Variants in MBOAT2 observed in about 807,000 individuals in gnomAD.
MBOAT2 encodes the protein membrane-bound glycerophospholipid O-acyltransferase 2.
Under a neutral mutation model 63.4 loss-of-function variants are expected in MBOAT2, and 28 were observed. The ratio of observed to expected loss-of-function variants is 0.44; its 90% CI spans 0.33 to 0.61. The LOEUF (loss-of-function observed/expected upper bound fraction) is 0.61, where lower values mean the gene tolerates loss of function less well. Ranked by LOEUF, MBOAT2 falls within the 20% of genes least tolerant of loss-of-function variation. MBOAT2 has a pLI of 0.03. For missense variants in MBOAT2, 470 were observed against 605.8 expected (o/e 0.78, Z 2.35); for synonymous variants, 211 against 215.6 (o/e 0.98, Z 0.19).
At chr2:8,987,570 T>C (rs1268552047) in intron 1 of MBOAT2, among the ~76,000 whole-genome samples, 1 of 152,194 alleles carries the variant, frequency 6.6e-6, no homozygotes, top group Non-Finnish European at 1.5e-5. Context: ...AATCTGGAAT[T>C]TGGGCAAGGT....
At position 8,877,035 on chromosome 2, in the gene MBOAT2, G is replaced by C; in HGVS notation, c.685C>G (p.Pro229Ala). 6.2e-7 allele frequency: 1 copy of C among 1,607,220 alleles called. No individual in the cohort carries two copies. The highest frequency in any genetic ancestry group is 8.5e-7 in the Non-Finnish European group (1 of 1,177,530). Reference sequence around the variant, plus strand: ...GATAAATCTCATGACCTTACATTTGGAGATGGCTCTGTTCTTTCATACTGT... The same window carrying C: ...GATAAATCTCATGACCTTACATTTGCAGATGGCTCTGTTCTTTCATACTGT... ...ETQYERTEPS[P>A]NTAVVQKLLV... The change falls in exon 7 of 13, where the codon CCA becomes GCA. Residue 229 changes from proline to alanine, a missense_variant. Pro to Ala is a conservative substitution (Grantham distance 27, BLOSUM62 -1). This residue lies in a region of MBOAT2 where 376 missense variants were observed against 503.8 expected (regional missense o/e 0.75). Transcript: ENST00000305997.
chr2:8,969,037 C>T (rs549406596), intron 1 of MBOAT2, among the ~76,000 whole-genome samples: 1 of 151,342 alleles, frequency 6.6e-6, no homozygotes, highest in Non-Finnish European at 1.5e-5. Context: ...AATGCCACTC[C>T]TCGAGAAGTG....
chr2:8,986,582 T>C (rs564418675), intron 1 of MBOAT2, among the ~76,000 whole-genome samples: 1 of 151,372 alleles, frequency 6.6e-6, no homozygotes, highest in East Asian at 1.9e-4. Context: ...AAAAAAGTAA[T>C]ACGGTAGCCT....
At chr2:8,916,526 A>T (rs1666192937) in intron 3 of MBOAT2, among the ~76,000 whole-genome samples, 1 of 152,234 alleles carries the variant, frequency 6.6e-6, no homozygotes, top group South Asian at 2.1e-4. Context: ...CCCATGTAGC[A>T]GCAACTATGG....
chr2:8,943,395 G>T, intron 2 of MBOAT2, 131 bp from the exon 3 acceptor site: 1 of 499,566 alleles, frequency 2.0e-6, no homozygotes, highest in Non-Finnish European at 3.5e-6. Flanking sequence ...TGAAACTTCA[G>T]GAGCTTAAAA....
intron 1 of MBOAT2, among the ~76,000 whole-genome samples, chr2:8,964,795 C>T (rs1299658237): frequency 1.3e-5 from 2 of 152,186 alleles, no homozygotes; most frequent in East Asian, 3.8e-4. Context: ...AAATATAAAA[C>T]ATTATTTCTC....
chr2:8,965,309 T>C (rs1310744719), intron 1 of MBOAT2, among the ~76,000 whole-genome samples: 2 of 152,196 alleles, frequency 1.3e-5, no homozygotes, highest in East Asian at 3.8e-4. Context: ...ACATTTTCCA[T>C]TCCTGTGTAA....
chr2:8,896,238 CAAAAAAAAAAA>C (rs967667476), intron 4 of MBOAT2, among the ~76,000 whole-genome samples: 7 of 51,226 alleles, frequency 1.4e-4, no homozygotes, highest in African/African-American at 4.8e-4. Flanking sequence ...GACTCCGTCT[CAAAAAAAAAAA>C]AAAAAAAAAA....
At chr2:8,944,380 G>T (rs371262946) in intron 2 of MBOAT2, among the ~76,000 whole-genome samples, 52 of 152,098 alleles carry the variant, frequency 3.4e-4, no homozygotes, top group African/African-American at 1.3e-3. Context: ...TAAAATTTTC[G>T]AATCATCAGG....
intron 3 of MBOAT2, among the ~76,000 whole-genome samples, chr2:8,926,379 G>A (rs904920296): frequency 4.6e-5 from 7 of 152,164 alleles, no homozygotes; most frequent in African/African-American, 1.4e-4. Context: ...AGTAAAGTAC[G>A]ACTCTAGGTA....
At chr2:8,887,970 T>C (rs148037184) in intron 5 of MBOAT2, 48 bp downstream of exon 5, 5 of 1,532,080 alleles carry the variant, frequency 3.3e-6, no homozygotes, top group African/African-American at 1.4e-5. Flanking sequence ...CAAAAGATTA[T>C]TGGAATTAAA....
intron 2 of MBOAT2, among the ~76,000 whole-genome samples, chr2:8,947,252 T>G (rs73157443): frequency 6.6e-6 from 1 of 152,144 alleles, no homozygotes; most frequent in Non-Finnish European, 1.5e-5. Flanking sequence ...TGGAGAGAGA[T>G]GAAGCTGGAG....
intron 3 of MBOAT2, among the ~76,000 whole-genome samples, chr2:8,914,500 A>C (rs978284798): frequency 2.0e-5 from 3 of 152,172 alleles, no homozygotes; most frequent in Non-Finnish European, 4.4e-5. Context: ...AAAAAAAAAA[A>C]AACAATGAAA....
At chr2:8,992,882 G>A (rs1672015921) in intron 1 of MBOAT2, among the ~76,000 whole-genome samples, 1 of 152,194 alleles carries the variant, frequency 6.6e-6, no homozygotes, top group Non-Finnish European at 1.5e-5. Flanking sequence ...GGGTTTACCT[G>A]TTCCTTTGAG....
intron 9 of MBOAT2, among the ~76,000 whole-genome samples, chr2:8,866,902 G>A (rs565785861): frequency 6.6e-6 from 1 of 152,238 alleles, no homozygotes; most frequent in African/African-American, 2.4e-5. Flanking sequence ...ATTTCTTATG[G>A]CATCCCGTCT....
chr2:8,906,393 C>T (rs957320357), intron 4 of MBOAT2, among the ~76,000 whole-genome samples: 3 of 152,156 alleles, frequency 2.0e-5, no homozygotes, highest in East Asian at 1.9e-4. Context: ...ACAAGTGTTG[C>T]GCAGGCACAC....
chr2:8,964,719 G>A (rs1017493220), intron 1 of MBOAT2, among the ~76,000 whole-genome samples: 22 of 152,206 alleles, frequency 1.4e-4, no homozygotes, highest in Non-Finnish European at 1.8e-4. Flanking sequence ...AGCAATGTGA[G>A]TTCCACTGCT....
At chr2:8,885,096 T>TA (rs1663449098) in intron 5 of MBOAT2, among the ~76,000 whole-genome samples, 1 of 152,202 alleles carries the variant, frequency 6.6e-6, no homozygotes, top group Non-Finnish European at 1.5e-5. Context: ...ACCCTGAACA[T>TA]ACCATTTTTT....
At chr2:8,928,507 C>T (rs916582119) in intron 3 of MBOAT2, among the ~76,000 whole-genome samples, 1 of 152,060 alleles carries the variant, frequency 6.6e-6, no homozygotes, top group Non-Finnish European at 1.5e-5. Context: ...TCTCGGGACC[C>T]TTTTTACCCT....
Sources: allele counts gnomAD v4.1 joint callset (sites outside exome capture counted in the v4.1 genomes callset), GRCh38; gene constraint gnomAD v4.1.1; regional missense constraint gnomAD v4.1.1; transcripts MANE v1.5; gene names NCBI Gene and HGNC (gene_info 2026-07-23, HGNC 2026-07-21).